ARHGAP18: variants seen among roughly 807,000 people sequenced by gnomAD.
ARHGAP18 encodes rho GTPase-activating protein 18.
ARHGAP18 carries 67 observed loss-of-function variants against 86.2 expected under a neutral mutation model. That is an observed-to-expected ratio of 0.78 (90% CI 0.64 to 0.95). The LOEUF is 0.95. Ranked by LOEUF, ARHGAP18 falls within the 40% of genes least tolerant of loss-of-function variation. ARHGAP18 has a pLI of 0.00. For synonymous variants in ARHGAP18, 283 were observed against 280.4 expected, an observed-to-expected ratio of 1.01 and a Z score of -0.09; for missense variants, 691 against 780.4, an observed-to-expected ratio of 0.89 and a Z score of 1.37.
intron 8 of ARHGAP18, among the ~76,000 whole-genome samples, chr6:129,610,204 C>T (rs561393736): frequency 6.6e-6 from 1 of 152,202 alleles, no homozygotes; most frequent in Non-Finnish European, 1.5e-5. Flanking sequence ...ATGGCTGCTT[C>T]CAGATACAGC....
intron 1 of ARHGAP18, among the ~76,000 whole-genome samples, chr6:129,649,055 C>T (rs1471209688): frequency 1.3e-5 from 2 of 152,076 alleles, no homozygotes; most frequent in East Asian, 1.9e-4. Context: ...AAAGCAATAC[C>T]ACATCACTCG....
At chr6:129,687,573 T>G (rs1009084041) in intron 1 of ARHGAP18, among the ~76,000 whole-genome samples, 3 of 152,156 alleles carry the variant, frequency 2.0e-5, no homozygotes, top group Admixed American at 1.3e-4. Context: ...GGAGAGGATC[T>G]TTGCTCTAGG....
At chr6:129,667,194 A>C (rs1203433493) in intron 1 of ARHGAP18, among the ~76,000 whole-genome samples, 1 of 151,752 alleles carries the variant, frequency 6.6e-6, no homozygotes, top group East Asian at 1.9e-4. Context: ...TAAGAAAAAA[A>C]TATATTTTTT....
intron 1 of ARHGAP18, among the ~76,000 whole-genome samples, chr6:129,707,025 G>A (rs149944919): frequency 0.014 from 2,077 of 151,318 alleles, 22 homozygotes; most frequent in Non-Finnish European, 0.022. Flanking sequence ...TCGGGAGTTC[G>A]AGACCAGCCT....
intron 8 of ARHGAP18, among the ~76,000 whole-genome samples, chr6:129,610,710 C>T (rs375373852): frequency 1.6e-4 from 25 of 152,240 alleles, no homozygotes; most frequent in African/African-American, 5.5e-4. Context: ...TCACTGCAAC[C>T]TCTGCCTCCC....
intron 1 of ARHGAP18, among the ~76,000 whole-genome samples, chr6:129,693,020 C>A (rs1226391532): frequency 6.6e-6 from 1 of 152,134 alleles, no homozygotes. Context: ...ATTTTAGAAC[C>A]TTTGGGTCTG....
At chr6:129,675,103 A>G (rs1774207038) in intron 1 of ARHGAP18, among the ~76,000 whole-genome samples, 1 of 152,132 alleles carries the variant, frequency 6.6e-6, no homozygotes, top group African/African-American at 2.4e-5. Context: ...ACTCCTTACA[A>G]TCTTGCCATT....
intron 1 of ARHGAP18, among the ~76,000 whole-genome samples, chr6:129,691,124 T>C (rs1210763176): frequency 1.3e-5 from 2 of 152,180 alleles, no homozygotes; most frequent in Non-Finnish European, 2.9e-5. Context: ...AGTCCACTAA[T>C]ACAAATGAGA....
intron 1 of ARHGAP18, among the ~76,000 whole-genome samples, chr6:129,705,649 T>C (rs1383087073): frequency 6.6e-6 from 1 of 152,186 alleles, no homozygotes; most frequent in Non-Finnish European, 1.5e-5. Flanking sequence ...AGAAAAACGC[T>C]TCTGAAACAA....
chr6:129,635,342 T>G (rs1463483044), intron 3 of ARHGAP18, among the ~76,000 whole-genome samples: 1 of 152,140 alleles, frequency 6.6e-6, no homozygotes, highest in African/African-American at 2.4e-5. Flanking sequence ...TCTAGGCTAT[T>G]AATGCACCAC....
At chr6:129,650,915 C>T (rs9372945) in intron 1 of ARHGAP18, among the ~76,000 whole-genome samples, 3 of 152,052 alleles carry the variant, frequency 2.0e-5, no homozygotes, top group Non-Finnish European at 4.4e-5. Flanking sequence ...AAGCTTGCTT[C>T]TGCAGCCTCC....
rs757825075 is a variant in ARHGAP18 at position 129,629,521 on chromosome 6, G to T, written c.618C>A (p.Asp206Glu). 10 of 1,608,560 alleles carry T rather than the reference G, an allele frequency of 6.2e-6. No homozygotes were observed. The highest frequency in any genetic ancestry group is 1.3e-5 in the African/African-American group (1 of 74,618). The stretch of plus-strand genomic sequence containing the variant: ...CTTCACCAACAAGGTTAGATGCCTC[G>T]TCTAGGGGCCCGGGGGGAAAGAACC... ...TNENKYQGRD[D>E]EASNLVGEEK... The change falls in exon 5 of 15, where the codon GAC (aspartate) becomes GAA (glutamate). Residue 206 changes from aspartate to glutamate, a missense_variant and splice_region_variant. Physicochemically the swap from Asp to Glu is conservative, Grantham distance 45. Transcript: ENST00000368149.
chr6:129,709,905 C>A, intron 1 of ARHGAP18, 119 bp downstream of exon 1: 2 of 756,446 alleles, frequency 2.6e-6, no homozygotes, highest in South Asian at 1.7e-5. Context: ...ACTGCTGCTG[C>A]ACGAGCTCAG....
intron 5 of ARHGAP18, among the ~76,000 whole-genome samples, chr6:129,625,948 TTA>T (rs1448323649): frequency 1.0e-4 from 6 of 59,112 alleles, no homozygotes; most frequent in African/African-American, 3.1e-4. Flanking sequence ...TATTATATAT[TTA>T]TATATTATAT....
chr6:129,622,405 T>C (rs147721107), intron 5 of ARHGAP18, among the ~76,000 whole-genome samples: 76 of 152,290 alleles, frequency 5.0e-4, no homozygotes, highest in African/African-American at 1.8e-3. Flanking sequence ...ACACATGTAA[T>C]ACAGCCGTTT....
At chr6:129,653,078 T>C (rs1322820120) in intron 1 of ARHGAP18, among the ~76,000 whole-genome samples, 4 of 152,206 alleles carry the variant, frequency 2.6e-5, no homozygotes, top group Admixed American at 6.5e-5. Context: ...GCATTATTAT[T>C]AAACTCTTCT....
intron 1 of ARHGAP18, among the ~76,000 whole-genome samples, chr6:129,681,698 G>A (rs569384056): frequency 3.4e-4 from 51 of 152,224 alleles, no homozygotes; most frequent in African/African-American, 1.2e-3. Context: ...GAAGGCAAAT[G>A]CAAAATAAAT....
chr6:129,617,701 G>A (rs1020590962), intron 6 of ARHGAP18, among the ~76,000 whole-genome samples: 124 of 152,106 alleles, frequency 8.2e-4, no homozygotes, highest in African/African-American at 2.7e-3. Context: ...TGTTTAAATT[G>A]TATTTCTATT....
intron 1 of ARHGAP18, among the ~76,000 whole-genome samples, chr6:129,682,774 A>G (rs919794588): frequency 6.6e-6 from 1 of 152,266 alleles, no homozygotes; most frequent in Non-Finnish European, 1.5e-5. Context: ...TCTAAGATGG[A>G]TAGAGTAACT....
Sources: allele counts gnomAD v4.1 joint callset (sites outside exome capture counted in the v4.1 genomes callset), GRCh38; gene constraint gnomAD v4.1.1; transcripts MANE v1.5; gene names NCBI Gene and HGNC (gene_info 2026-07-23, HGNC 2026-07-21).